The following FARP2 variants were observed in gnomAD, a reference collection of about 807,000 sequenced individuals.
FARP2 encodes FERM, ARH/RhoGEF and pleckstrin domain protein 2.
A neutral mutation model predicts 130.5 loss-of-function variants in FARP2; 111 were observed. That is an observed-to-expected ratio of 0.85 (90% confidence interval 0.73 to 1.00). The LOEUF (loss-of-function observed/expected upper bound fraction) is 1.00. Ranked by LOEUF, FARP2 falls within the 50% of genes least tolerant of loss-of-function variation. The pLI, the probability that FARP2 is intolerant of heterozygous loss-of-function variation, is 0.00. For synonymous variants in FARP2, 504 were observed against 516.9 expected (o/e 0.98, Z 0.34); for missense variants, 1,385 against 1,346.3 (o/e 1.03, Z -0.45).
chr2:241,483,374 G>T, intron 19 of FARP2, 91 bp from the exon 20 acceptor site: 1 of 1,083,348 alleles, frequency 9.2e-7, no homozygotes, highest in South Asian at 1.3e-5. Flanking sequence ...AGCACAAGCG[G>T]CCACAAGGCT....
chr2:241,440,648 C>T (rs879406791), intron 12 of FARP2, among the ~76,000 whole-genome samples: 24 of 152,166 alleles, frequency 1.6e-4, no homozygotes, highest in Non-Finnish European at 2.6e-4. Flanking sequence ...AACTCCCTCG[C>T]GACGATACAT....
intron 5 of FARP2, among the ~76,000 whole-genome samples, chr2:241,409,936 G>A (rs1173730424): frequency 6.6e-6 from 1 of 152,134 alleles, no homozygotes; most frequent in Non-Finnish European, 1.5e-5. Flanking sequence ...AGGAAAGTTT[G>A]TAGAAATGGA....
chr2:241,450,701 TG>T (rs1388785477), intron 13 of FARP2, among the ~76,000 whole-genome samples: 1 of 151,868 alleles, frequency 6.6e-6, no homozygotes, highest in Non-Finnish European at 1.5e-5. Flanking sequence ...GGCTCACACC[TG>T]TAATCCCAGC....
chr2:241,391,981 C>T (rs928597999), intron 2 of FARP2, among the ~76,000 whole-genome samples: 2 of 152,084 alleles, frequency 1.3e-5, no homozygotes, highest in African/African-American at 4.8e-5. Context: ...GAATATAGGA[C>T]CAGGAGATAT....
chr2:241,441,223 T>TTAGGC, intron 12 of FARP2, 81 bp from the exon 13 acceptor site: 1 of 1,360,638 alleles, frequency 7.3e-7, no homozygotes, highest in Non-Finnish European at 1.0e-6. Context: ...ATGCCCTAAG[T>TTAGGC]TAGGCCAGGT....
intron 8 of FARP2, among the ~76,000 whole-genome samples, chr2:241,426,017 C>T (rs2062931807): frequency 6.6e-6 from 1 of 151,588 alleles, no homozygotes; most frequent in African/African-American, 2.4e-5. Flanking sequence ...AACCTTTTTT[C>T]ACACATGTAG....
In FARP2 at chr2:241,489,968, G is replaced by A; in HGVS notation, c.2428G>A (p.Glu810Lys). 6.2e-7 allele frequency: 1 copy of A among 1,612,406 alleles called. No individual in the cohort carries two copies. Among genetic ancestry groups the A allele is most frequent in the Non-Finnish European group, 8.5e-7 (1 of 1,178,422 alleles). Residue 810 changes from glutamate (E) to lysine (K), a missense_variant, in exon 22 of 27, where the codon GAA becomes AAA. Glu to Lys is a moderately conservative substitution (Grantham distance 56). Coordinates refer to ENST00000264042, the MANE Select transcript of FARP2 (RefSeq NM_014808.4). Reference sequence around the variant, plus strand: ...CCGTTTCTCCCACCCACAGGTGGAAGAAAGTGATAACGAGTGGTCTGTTCC... The same window carrying A: ...CCGTTTCTCCCACCCACAGGTGGAAAAAAGTGATAACGAGTGGTCTGTTCC... ...LLPLQGMLVE[E>K]SDNEWSVPHC...
intron 2 of FARP2, among the ~76,000 whole-genome samples, chr2:241,377,968 G>C (rs1196381094): frequency 6.6e-6 from 1 of 152,108 alleles, no homozygotes; most frequent in African/African-American, 2.4e-5. Flanking sequence ...TTGCATTCCT[G>C]CCAGCAATGT....
chr2:241,429,789 A>G (rs1264801065), intron 8 of FARP2, among the ~76,000 whole-genome samples: 6 of 152,218 alleles, frequency 3.9e-5, no homozygotes, highest in Non-Finnish European at 1.5e-5. Flanking sequence ...AAAAAATTAA[A>G]AATAGAAAAT....
In FARP2 at chr2:241,490,059, T is replaced by C. The variant is rs766144487; in HGVS notation, c.2504+15T>C. ...GTGGCAGCCAGGTAAGGGTCTTCCA[T>C]GTCTCCATCCTGAGCAGCCCTGGAT... On this transcript the variant is annotated intron_variant, in intron 22 of 26. Coordinates refer to ENST00000264042, the MANE Select transcript of FARP2 (RefSeq NM_014808.4). 3 of 1,598,114 alleles carry C rather than the reference T, an allele frequency of 1.9e-6. No individual in the cohort carries two copies. The highest frequency in any genetic ancestry group is 1.3e-5 in the African/African-American group (1 of 74,718).
At chr2:241,399,369 G>C (rs1185020840) in intron 2 of FARP2, among the ~76,000 whole-genome samples, 6 of 152,152 alleles carry the variant, frequency 3.9e-5, no homozygotes, top group Admixed American at 3.9e-4. Flanking sequence ...GCAGTGGCAT[G>C]ATCCCAGCTT....
intron 17 of FARP2, chr2:241,465,688 C>T (rs763168674): frequency 2.6e-6 from 4 of 1,550,952 alleles, no homozygotes; most frequent in Admixed American, 2.0e-5. Context: ...CTCATGAGTT[C>T]ACCACGTGAC....
intron 2 of FARP2, among the ~76,000 whole-genome samples, chr2:241,375,429 C>G (rs546016651): frequency 6.6e-6 from 1 of 151,710 alleles, no homozygotes; most frequent in South Asian, 2.1e-4. Flanking sequence ...GTTCTGCCTA[C>G]TGGACTTTAT....
chr2:241,357,200 T>C (rs2061088434), intron 1 of FARP2, among the ~76,000 whole-genome samples: 1 of 152,240 alleles, frequency 6.6e-6, no homozygotes. Flanking sequence ...AGGCCAAATC[T>C]TTAAAGGGTG....
chr2:241,367,465 T>C (rs1358985623), intron 1 of FARP2, among the ~76,000 whole-genome samples: 3 of 152,148 alleles, frequency 2.0e-5, no homozygotes, highest in Non-Finnish European at 2.9e-5. Flanking sequence ...GATCCGTCTC[T>C]TGCTGTGCTG....
chr2:241,483,349 G>T, intron 19 of FARP2, 116 bp from the exon 20 acceptor site: 1 of 843,100 alleles, frequency 1.2e-6, no homozygotes, highest in Non-Finnish European at 2.0e-6. Context: ...GACCCTCATT[G>T]GGAGGAGCCA....
At chr2:241,478,983 C>T (rs2124871227) in intron 19 of FARP2, 2 of 470,254 alleles carry the variant, frequency 4.3e-6, no homozygotes, top group South Asian at 5.4e-5. Flanking sequence ...GAACAAGGTT[C>T]AAGGATGTGA....
intron 19 of FARP2, among the ~76,000 whole-genome samples, chr2:241,480,307 C>T (rs1448416829): frequency 6.6e-6 from 1 of 152,248 alleles, no homozygotes; most frequent in Non-Finnish European, 1.5e-5. Context: ...GGACTTACCA[C>T]CTCCTCTTTG....
At chr2:241,378,132 C>T (rs1288834495) in intron 2 of FARP2, among the ~76,000 whole-genome samples, 5 of 151,106 alleles carry the variant, frequency 3.3e-5, no homozygotes, top group Admixed American at 6.6e-5. Context: ...GGCAGAATTT[C>T]ACTCTGTCGC....
Sources: gnomAD v4.1 joint callset for allele counts (sites outside exome capture counted in the v4.1 genomes callset) on GRCh38, gnomAD v4.1.1 for gene constraint, MANE v1.5 for transcripts, NCBI Gene and HGNC (gene_info 2026-07-23, HGNC 2026-07-21) for gene names.